SLC25A48: variants seen among roughly 807,000 people sequenced by gnomAD.
The protein encoded by SLC25A48 is solute carrier family 25 member 48, also known as CTC-321K16.1.
Under a neutral mutation model 32.2 loss-of-function variants are expected in SLC25A48, and 29 were observed. The ratio of observed to expected loss-of-function variants is 0.90; its 90% CI spans 0.67 to 1.23. SLC25A48 has a LOEUF of 1.23. Among genes scored for constraint, SLC25A48 ranks in the 50% most tolerant of loss-of-function variants. The pLI, the probability that SLC25A48 is intolerant of heterozygous loss-of-function variation, is 0.00. For missense variants in SLC25A48, 399 were observed against 422.7 expected (o/e 0.94, Z 0.49); for synonymous variants, 164 against 172.3 (o/e 0.95, Z 0.38).
At chr5:135,725,065 TGA>T (rs1249227830) in intron 3 of SLC25A48, among the ~76,000 whole-genome samples, 1 of 152,258 alleles carries the variant, frequency 6.6e-6, no homozygotes, top group Admixed American at 6.5e-5. Flanking sequence ...GTAAAAATCC[TGA>T]GAGGGACCTT....
chr5:135,623,914 A>C (rs1388145146), intron 1 of SLC25A48, among the ~76,000 whole-genome samples: 2 of 152,122 alleles, frequency 1.3e-5, no homozygotes, highest in Non-Finnish European at 2.9e-5. Flanking sequence ...CCCCCCGGGT[A>C]CCTCATGAGG....
intron 1 of SLC25A48, among the ~76,000 whole-genome samples, chr5:135,595,974 A>G (rs1285670138): frequency 6.6e-6 from 1 of 152,196 alleles, no homozygotes; most frequent in Non-Finnish European, 1.5e-5. Context: ...CAGAGTGGAC[A>G]TCATCAGGTG....
chr5:135,824,773 G>A (rs1269598101), intron 4 of SLC25A48: 2 of 152,368 alleles, frequency 1.3e-5, no homozygotes, highest in South Asian at 2.1e-4. Flanking sequence ...AAGGAGGCAC[G>A]GGCTGGCTGC....
chr5:135,839,394 C>T (rs900546600), intron 1 of SLC25A48, among the ~76,000 whole-genome samples: 1 of 152,194 alleles, frequency 6.6e-6, no homozygotes, highest in African/African-American at 2.4e-5. Flanking sequence ...TGCATGGAGC[C>T]TGTAGCCCCT....
At chr5:135,765,713 A>C (rs1756198605) in intron 3 of SLC25A48, among the ~76,000 whole-genome samples, 1 of 151,206 alleles carries the variant, frequency 6.6e-6, no homozygotes, top group Non-Finnish European at 1.5e-5. Flanking sequence ...GGGTGATATT[A>C]GTTTCTATAT....
intron 3 of SLC25A48, among the ~76,000 whole-genome samples, chr5:135,756,782 T>G (rs1755919002): frequency 6.6e-6 from 1 of 151,960 alleles, no homozygotes; most frequent in African/African-American, 2.4e-5. Context: ...TAATATCTAG[T>G]GTTAACACAC....
chr5:135,777,879 T>C (rs1756608839), intron 3 of SLC25A48, among the ~76,000 whole-genome samples: 1 of 150,794 alleles, frequency 6.6e-6, no homozygotes, highest in Admixed American at 6.6e-5. Flanking sequence ...AGAAAAATAA[T>C]ATTACTCCCA....
At chr5:135,605,263 T>C (rs6596246) in intron 1 of SLC25A48, among the ~76,000 whole-genome samples, 75,309 of 152,106 alleles carry the variant, frequency 0.5, 19,144 homozygotes, top group African/African-American at 0.62. Flanking sequence ...TCTTTCATGC[T>C]GGCCTCCAGC....
intron 1 of SLC25A48, among the ~76,000 whole-genome samples, chr5:135,590,807 G>C (rs1751506616): frequency 6.6e-6 from 1 of 152,212 alleles, no homozygotes; most frequent in African/African-American, 2.4e-5. Context: ...CTCTCAGGCA[G>C]GGCAGCCCAA....
intron 3 of SLC25A48, among the ~76,000 whole-genome samples, chr5:135,791,233 A>C (rs1172265527): frequency 2.0e-5 from 3 of 151,854 alleles, no homozygotes; most frequent in Non-Finnish European, 4.4e-5. Flanking sequence ...ATAATATCCT[A>C]GGTGATATTA....
intron 3 of SLC25A48, among the ~76,000 whole-genome samples, chr5:135,780,558 A>T (rs1272900592): frequency 8.5e-6 from 1 of 117,844 alleles, no homozygotes; most frequent in East Asian, 2.1e-4. Flanking sequence ...CCTAGTATCC[A>T]AAAGGAAGAG....
chr5:135,742,528 C>A (rs1481790712), intron 3 of SLC25A48: 16 of 1,505,308 alleles, frequency 1.1e-5, no homozygotes, highest in Non-Finnish European at 1.5e-5. Context: ...CACTGCCTTT[C>A]CCAAACAATA....
chr5:135,604,840 A>G (rs1561754716), intron 1 of SLC25A48, among the ~76,000 whole-genome samples: 1 of 152,026 alleles, frequency 6.6e-6, no homozygotes, highest in East Asian at 2.0e-4. Flanking sequence ...TTGGAGTCAG[A>G]CTGCCAGGCG....
chr5:135,808,101 T>C (rs1580901954), intron 3 of SLC25A48, among the ~76,000 whole-genome samples: 1 of 151,222 alleles, frequency 6.6e-6, no homozygotes, highest in East Asian at 1.9e-4. Context: ...ATCATAGATA[T>C]TTTATTAATA....
rs890170706 is a variant in SLC25A48, at chr5:135,735,648, G to A, written c.-520-76875G>A. Among the ~76,000 whole-genome samples, 6 of 152,298 alleles carry A rather than the reference G, an allele frequency of 3.9e-5. No homozygotes were observed. In the East Asian group the frequency reaches 5.8e-4, roughly 15 times the overall value. ...ATTGGGGATCCTCTCGGGGAACTGC[G>A]CTAATGCCTTCCTGGAGGTCTGGTT... On this transcript the variant is annotated intron_variant, in intron 3 of 10. Coordinates refer to the SLC25A48 transcript ENST00000646290.
chr5:135,590,706 C>T lies in SLC25A48; in HGVS notation c.-849+11109C>T, dbSNP rs73300435. Among the ~76,000 whole-genome samples, 619 of 152,212 alleles carry T rather than the reference C, an allele frequency of 4.1e-3. 3 individuals are homozygous for T. The highest frequency in any genetic ancestry group is 0.015 in the African/African-American group (602 of 41,512). The stretch of plus-strand genomic sequence containing the variant: ...ACCCCAACACCTATGCTGGGGGTTA[C>T]GCTGTTCCCTGTCCTGCAAAGAGGG... On this transcript the variant is annotated intron_variant, in intron 1 of 10. Coordinates refer to the SLC25A48 transcript ENST00000646290.
At chr5:135,766,550 A>G (rs1439486845) in intron 3 of SLC25A48, among the ~76,000 whole-genome samples, 2 of 151,336 alleles carry the variant, frequency 1.3e-5, no homozygotes, top group Non-Finnish European at 2.9e-5. Flanking sequence ...CCCCTGTTAT[A>G]TGGTTCATAA....
chr5:135,610,427 T>C (rs897632214), intron 1 of SLC25A48, among the ~76,000 whole-genome samples: 1 of 152,350 alleles, frequency 6.6e-6, no homozygotes, highest in South Asian at 2.1e-4. Flanking sequence ...TCATGCCTCA[T>C]GTAGTATTTA....
chr5:135,709,538 T>C (rs1754603290), intron 3 of SLC25A48, among the ~76,000 whole-genome samples: 1 of 152,212 alleles, frequency 6.6e-6, no homozygotes, highest in Non-Finnish European at 1.5e-5. Flanking sequence ...GAATCTGCAT[T>C]TTAGTAAGCT....
Sources: allele counts gnomAD v4.1 joint callset (sites outside exome capture counted in the v4.1 genomes callset), GRCh38; gene constraint gnomAD v4.1.1; transcripts MANE v1.5; gene names NCBI Gene and HGNC (gene_info 2026-07-23, HGNC 2026-07-21).